Variants in MSRA observed in about 807,000 individuals in gnomAD.
MSRA encodes the protein methionine sulfoxide reductase A.
A neutral mutation model predicts 31.3 loss-of-function variants in MSRA; 54 were observed. The ratio of observed to expected loss-of-function variants is 1.73; its 90% CI spans 1.39 to 2.17. The LOEUF is 2.17. MSRA is among the 30% of genes most tolerant of loss of function. The pLI, the probability that MSRA is intolerant of heterozygous loss-of-function variation, is 0.00. For missense variants in MSRA, 507 were observed against 300.9 expected, an observed-to-expected ratio of 1.69 and a Z score of -5.07; for synonymous variants, 169 against 116.5, an observed-to-expected ratio of 1.45 and a Z score of -2.90.
chr8:10,245,308 G>T, intron 3 of MSRA, 85 bp downstream of exon 3: 3 of 1,271,860 alleles, frequency 2.4e-6, no homozygotes, highest in South Asian at 1.5e-5. Context: ...CTTTAAAATG[G>T]AAATATGTTT....
At chr8:10,381,052 T>C (rs1337392222) in intron 5 of MSRA, among the ~76,000 whole-genome samples, 4 of 151,958 alleles carry the variant, frequency 2.6e-5, no homozygotes, top group Non-Finnish European at 5.9e-5. Context: ...GATGGAAAGA[T>C]GGATGGGTGG....
chr8:10,168,591 G>T (rs1254855496), intron 1 of MSRA, among the ~76,000 whole-genome samples: 1 of 152,206 alleles, frequency 6.6e-6, no homozygotes, highest in Non-Finnish European at 1.5e-5. Flanking sequence ...ATACGATAAT[G>T]AGTTGTAGTC....
At chr8:10,182,451 C>G (rs1291724591) in intron 1 of MSRA, among the ~76,000 whole-genome samples, 1 of 152,210 alleles carries the variant, frequency 6.6e-6, no homozygotes, top group African/African-American at 2.4e-5. Flanking sequence ...TCTCACAAGG[C>G]TACCCTCAAG....
At chr8:10,163,543 C>T (rs754695999) in intron 1 of MSRA, among the ~76,000 whole-genome samples, 6 of 152,178 alleles carry the variant, frequency 3.9e-5, no homozygotes, top group Non-Finnish European at 7.4e-5. Flanking sequence ...CTTGTGCCTT[C>T]GTAGAGAAAA....
chr8:10,066,760 C>T (rs932054027), intron 1 of MSRA, among the ~76,000 whole-genome samples: 6 of 152,076 alleles, frequency 3.9e-5, no homozygotes, highest in African/African-American at 1.4e-4. Flanking sequence ...GTCTCGAACT[C>T]CTGACCTCAG....
intron 5 of MSRA, among the ~76,000 whole-genome samples, chr8:10,389,648 G>T (rs1806609059): frequency 6.6e-6 from 1 of 151,864 alleles, no homozygotes. Context: ...CCTTGCCCTA[G>T]AGGGCGGAGG....
chr8:10,428,343 C>A lies in MSRA; in HGVS notation c.*31C>A. 2 of 1,606,394 alleles carry A rather than the reference C, an allele frequency of 1.2e-6. No homozygotes were observed. The highest frequency in any genetic ancestry group is 1.1e-5 in the South Asian group (1 of 89,478). On this transcript the variant is annotated 3_prime_UTR_variant, in exon 6 of 6. Transcript: ENST00000317173. ...CCCCACATGGTGGGCCTTTGAGGTT[C>A]CAGTAAAAATGCTTTCAACAAATTG... is the stretch of plus-strand genomic sequence containing the variant.
chr8:10,116,712 A>G (rs931776369), intron 1 of MSRA, among the ~76,000 whole-genome samples: 1 of 152,124 alleles, frequency 6.6e-6, no homozygotes, highest in Non-Finnish European at 1.5e-5. Context: ...TCATGCCTGT[A>G]ATCTCAGCAC....
chr8:10,073,214 C>G (rs1397959625), intron 1 of MSRA, among the ~76,000 whole-genome samples: 2 of 152,132 alleles, frequency 1.3e-5, no homozygotes, highest in South Asian at 4.2e-4. Context: ...AGCATTCAGC[C>G]TTTCACTAAA....
At chr8:10,095,759 AT>A in intron 1 of MSRA, 1 of 1,147,956 alleles carries the variant, frequency 8.7e-7, no homozygotes, top group South Asian at 4.4e-5. Flanking sequence ...CTCTTGGGCT[AT>A]TTGAAAGTGT....
chr8:10,403,313 C>A (rs1250871569), intron 5 of MSRA, among the ~76,000 whole-genome samples: 2 of 152,160 alleles, frequency 1.3e-5, no homozygotes, highest in African/African-American at 2.4e-5. Flanking sequence ...TGACATCAAC[C>A]CAGCCAACGA....
chr8:10,163,877 G>A (rs1804886719), intron 1 of MSRA, among the ~76,000 whole-genome samples: 1 of 152,204 alleles, frequency 6.6e-6, no homozygotes, highest in Non-Finnish European at 1.5e-5. Flanking sequence ...GCCCCAGTCG[G>A]CATTGTCGGC....
chr8:10,076,642 G>T (rs1798007750), intron 1 of MSRA, among the ~76,000 whole-genome samples: 1 of 152,158 alleles, frequency 6.6e-6, no homozygotes, highest in African/African-American at 2.4e-5. Context: ...TTGCGGGGCA[G>T]TGAGCTCCCT....
intron 5 of MSRA, among the ~76,000 whole-genome samples, chr8:10,359,006 A>C (rs985189924): frequency 6.6e-6 from 1 of 152,172 alleles, no homozygotes; most frequent in Admixed American, 6.5e-5. Context: ...GTTTGATCCC[A>C]AAAACATTCC....
At position 10,065,046 on chromosome 8, in the gene MSRA, A is replaced by C. The variant is rs539722119; in HGVS notation, c.142+10388A>C. 1.2e-4 allele frequency among the ~76,000 whole-genome samples: 19 copies of C among 152,136 alleles called. No individual in the cohort carries two copies. The South Asian group carries it at 4.0e-3, about 32-fold the overall frequency. On this transcript the variant is annotated intron_variant, in intron 1 of 5. Transcript: ENST00000317173. ...AAGGCATTGCATTGCTGAAAACTCC[A>C]TTGCCTTACCTCTTCCTGAGAGGCA...
intron 5 of MSRA, among the ~76,000 whole-genome samples, chr8:10,343,881 C>T (rs1194682178): frequency 4.6e-5 from 7 of 152,272 alleles, no homozygotes; most frequent in African/African-American, 1.7e-4. Context: ...CGTATGCTAC[C>T]TCAGATCCTG....
chr8:10,250,798 A>G (rs1797876811), intron 3 of MSRA: 2 of 270,702 alleles, frequency 7.4e-6, no homozygotes, highest in African/African-American at 2.2e-5. Flanking sequence ...AAAATGGGGC[A>G]ATGCTGCTTG....
chr8:10,374,831 G>A (rs1461524350), intron 5 of MSRA, among the ~76,000 whole-genome samples: 2 of 152,200 alleles, frequency 1.3e-5, no homozygotes, highest in Non-Finnish European at 2.9e-5. Flanking sequence ...GGAGACATTG[G>A]CTCGTGGAGG....
intron 1 of MSRA, among the ~76,000 whole-genome samples, chr8:10,078,634 A>G (rs1798120389): frequency 6.6e-6 from 1 of 152,248 alleles, no homozygotes. Context: ...CCTGCAGAAG[A>G]TCTGCTTTCA....
Sources: allele counts gnomAD v4.1 joint callset (sites outside exome capture counted in the v4.1 genomes callset), GRCh38; gene constraint gnomAD v4.1.1; transcripts MANE v1.5; gene names NCBI Gene and HGNC (gene_info 2026-07-23, HGNC 2026-07-21).